The following GPT2 variants were observed in gnomAD, a reference collection of about 807,000 sequenced individuals.
GPT2 encodes alanine aminotransferase 2.
GPT2 carries 30 observed loss-of-function variants against 56.9 expected under a neutral mutation model. That is an observed-to-expected ratio of 0.53 (90% CI 0.39 to 0.72). The LOEUF (loss-of-function observed/expected upper bound fraction) is 0.72, where lower values mean the gene tolerates loss of function less well. GPT2 is among the 30% of genes least tolerant of loss of function. The probability of loss-of-function intolerance (pLI) is 0.00; values close to 1 mark genes in which losing one functional copy is unlikely to be tolerated. For synonymous variants in GPT2, 271 were observed against 283.1 expected (o/e 0.96, Z 0.43); for missense variants, 542 against 703.4 (o/e 0.77, Z 2.60).
chr16:46,895,603 A>T (rs1354866596), intron 2 of GPT2, among the ~76,000 whole-genome samples: 1 of 151,742 alleles, frequency 6.6e-6, no homozygotes, highest in South Asian at 2.1e-4. Context: ...GCTCACTGCA[A>T]CCTTGAACTC....
Position 46,916,653 on chromosome 16 carries a change from A to T in GPT2, c.846A>T (p.Ile282=). The change falls in exon 7 of 12, where the codon ATA becomes ATT. Residue 282 remains isoleucine, a synonymous_variant. Transcript: ENST00000340124. ...PTGQVQSRKC[I]EDVIHFAWEE... ...GCCAGGTACAAAGCAGAAAGTGCAT[A>T]GAAGATGTGATCCACTTTGCCTGGG... 1 of 1,613,912 alleles carries T rather than the reference A, an allele frequency of 6.2e-7. No homozygotes were observed. Among genetic ancestry groups the T allele is most frequent in the Non-Finnish European group, 8.5e-7 (1 of 1,179,760 alleles).
chr16:46,891,827 T>C (rs1960590415), intron 2 of GPT2, among the ~76,000 whole-genome samples: 1 of 151,756 alleles, frequency 6.6e-6, no homozygotes, highest in Non-Finnish European at 1.5e-5. Context: ...TATTATTGAC[T>C]ATAGTCACCC....
chr16:46,906,053 G>A (rs1960918314), intron 4 of GPT2, among the ~76,000 whole-genome samples: 2 of 152,156 alleles, frequency 1.3e-5, no homozygotes, highest in Admixed American at 6.6e-5. Flanking sequence ...GGGCTGGCCA[G>A]TGGTGCTAAT....
At chr16:46,899,917 C>T (rs1355541008) in intron 3 of GPT2, among the ~76,000 whole-genome samples, 1 of 152,220 alleles carries the variant, frequency 6.6e-6, no homozygotes, top group Non-Finnish European at 1.5e-5. Context: ...CTTCACACAT[C>T]TCCTCTGACC....
intron 5 of GPT2, among the ~76,000 whole-genome samples, chr16:46,907,840 C>A (rs903308690): frequency 1.3e-5 from 2 of 152,178 alleles, no homozygotes; most frequent in Non-Finnish European, 2.9e-5. Flanking sequence ...AAGGAGGTAT[C>A]TCGGGCTGGG....
intron 2 of GPT2, among the ~76,000 whole-genome samples, chr16:46,889,246 ATTTTTTTTTTTT>A (rs35803215): frequency 4.2e-5 from 4 of 94,946 alleles, no homozygotes; most frequent in African/African-American, 1.7e-4. Context: ...CAGGCTGTTA[ATTTTTTTTTTTT>A]TTTTTTTTTT....
chr16:46,884,509 C>T (rs1328582916), intron 1 of GPT2, 42 bp downstream of exon 1: 3 of 484,336 alleles, frequency 6.2e-6, no homozygotes, highest in Admixed American at 4.5e-5. Flanking sequence ...TTGCGAAAGC[C>T]GGTTGGGTGT....
chr16:46,922,974 G>A (rs183072712), intron 9 of GPT2, among the ~76,000 whole-genome samples: 1 of 152,182 alleles, frequency 6.6e-6, no homozygotes, highest in East Asian at 1.9e-4. Flanking sequence ...TAAAGTGCTC[G>A]GTTTTCTGGC....
At chr16:46,917,707 CACAG>C (rs1961196802) in intron 7 of GPT2, among the ~76,000 whole-genome samples, 2 of 152,080 alleles carry the variant, frequency 1.3e-5, no homozygotes, top group Admixed American at 1.3e-4. Context: ...CGCATACACA[CACAG>C]ACATACACAC....
chr16:46,916,349 A>G (rs1961162412), intron 6 of GPT2: 2 of 261,992 alleles, frequency 7.6e-6, no homozygotes, highest in Non-Finnish European at 1.5e-5. Flanking sequence ...CCGTCTCAAA[A>G]AAATTAAAAA....
intron 3 of GPT2, among the ~76,000 whole-genome samples, chr16:46,898,283 G>T (rs1033776790): frequency 6.6e-6 from 1 of 152,212 alleles, no homozygotes; most frequent in Non-Finnish European, 1.5e-5. Flanking sequence ...GATTGGGGAC[G>T]GCCACTGTGA....
In GPT2 at chr16:46,929,964, C is replaced by G. The variant is rs1014507490; in HGVS notation, c.*967C>G. On this transcript the variant is annotated 3_prime_UTR_variant, in exon 12 of 12. Transcript: ENST00000340124. Reference sequence around the variant, plus strand: ...CACAAGGGCAATCCCCGGGACCTGCCGAGCAGCCAAGGCCCTGTCCTTTCT... The same window carrying G: ...CACAAGGGCAATCCCCGGGACCTGCGGAGCAGCCAAGGCCCTGTCCTTTCT... The G allele has an allele frequency of 2.0e-5, 3 of 152,760 alleles. No individual in the cohort carries two copies. The Middle Eastern group carries it at 0.01, about 516-fold the overall frequency. 9.5% of individuals were successfully genotyped at this position (152,760 alleles called of 1,614,324 possible).
chr16:46,886,175 G>C (rs998083404), intron 2 of GPT2, among the ~76,000 whole-genome samples: 1 of 152,184 alleles, frequency 6.6e-6, no homozygotes, highest in Non-Finnish European at 1.5e-5. Context: ...GGAGGAGGCT[G>C]GCTTTGTTTC....
chr16:46,885,263 G>C, intron 2 of GPT2: 3 of 1,145,786 alleles, frequency 2.6e-6, no homozygotes, highest in Non-Finnish European at 3.2e-6. Flanking sequence ...CCAAGGTCCA[G>C]TGGAGAGAGG....
intron 2 of GPT2, among the ~76,000 whole-genome samples, chr16:46,894,110 A>T (rs977432371): frequency 5.3e-5 from 8 of 152,174 alleles, no homozygotes; most frequent in African/African-American, 1.7e-4. Flanking sequence ...CATCCATCAT[A>T]GCAAAGTGTC....
intron 2 of GPT2, 107 bp downstream of exon 2, chr16:46,885,065 C>A (rs771127752): frequency 4.2e-4 from 567 of 1,354,630 alleles, no homozygotes; most frequent in Non-Finnish European, 5.2e-4. Context: ...ATGGCCAGCT[C>A]CTCAGTCAGC....
At chr16:46,917,952 C>T (rs891536048) in intron 7 of GPT2, among the ~76,000 whole-genome samples, 1 of 152,150 alleles carries the variant, frequency 6.6e-6, no homozygotes, top group Non-Finnish European at 1.5e-5. Flanking sequence ...CAGGGCCTGG[C>T]TTGGCAATGG....
At chr16:46,919,786 G>A (rs1348440754) in intron 8 of GPT2, among the ~76,000 whole-genome samples, 1 of 152,164 alleles carries the variant, frequency 6.6e-6, no homozygotes, top group Non-Finnish European at 1.5e-5. Flanking sequence ...AGGCCAGGAG[G>A]CTGTTACAGT....
intron 7 of GPT2, 65 bp downstream of exon 7, chr16:46,916,772 C>A: frequency 9.2e-7 from 1 of 1,085,898 alleles, no homozygotes; most frequent in South Asian, 1.2e-5. Context: ...GGGACCCAGC[C>A]CCCATTGTTC....
Sources: allele counts gnomAD v4.1 joint callset (sites outside exome capture counted in the v4.1 genomes callset), GRCh38; gene constraint gnomAD v4.1.1; transcripts MANE v1.5; gene names NCBI Gene and HGNC (gene_info 2026-07-23, HGNC 2026-07-21).